Variants in CPNE8 observed in about 807,000 individuals in gnomAD.
CPNE8 encodes the protein copine-8.
Under a neutral mutation model 81.5 loss-of-function variants are expected in CPNE8, and 45 were observed. That is an observed-to-expected ratio of 0.55 (90% CI 0.44 to 0.71). CPNE8 has a LOEUF of 0.71. CPNE8 is among the 30% of genes least tolerant of loss of function. CPNE8 has a pLI of 0.00. For missense variants in CPNE8, 594 were observed against 672.1 expected (o/e 0.88, Z 1.28); for synonymous variants, 252 against 226.3 (o/e 1.11, Z -1.02).
intron 8 of CPNE8, among the ~76,000 whole-genome samples, chr12:38,763,475 A>T (rs952819284): frequency 6.6e-6 from 1 of 152,232 alleles, no homozygotes; most frequent in Non-Finnish European, 1.5e-5. Context: ...ACATCACGTC[A>T]TGAATCTATA....
chr12:38,711,883 C>T (rs1029235982), intron 13 of CPNE8, among the ~76,000 whole-genome samples: 9 of 152,010 alleles, frequency 5.9e-5, no homozygotes, highest in Admixed American at 6.5e-5. Flanking sequence ...TTTTCAGTTT[C>T]GATATGATAA....
intron 3 of CPNE8, among the ~76,000 whole-genome samples, chr12:38,852,055 T>G (rs1032631124): frequency 6.6e-6 from 1 of 152,178 alleles, no homozygotes; most frequent in Non-Finnish European, 1.5e-5. Context: ...CAATCTGAAA[T>G]AGGTGCTCCA....
intron 6 of CPNE8, among the ~76,000 whole-genome samples, chr12:38,781,544 G>GT (rs1447586727): frequency 5.3e-5 from 8 of 152,090 alleles, no homozygotes; most frequent in Admixed American, 3.9e-4. Context: ...GCAAGAAATA[G>GT]TTATTGTGTA....
At chr12:38,816,132 G>A (rs1331454255) in intron 6 of CPNE8, among the ~76,000 whole-genome samples, 1 of 152,064 alleles carries the variant, frequency 6.6e-6, no homozygotes, top group East Asian at 1.9e-4. Context: ...TTAAAATTCT[G>A]TATTTTTAAA....
chr12:38,809,886 A>T (rs1056979154), intron 6 of CPNE8, among the ~76,000 whole-genome samples: 8 of 152,220 alleles, frequency 5.3e-5, no homozygotes, highest in African/African-American at 1.9e-4. Flanking sequence ...GGTCAAGCAT[A>T]GGATAACAGT....
intron 1 of CPNE8, among the ~76,000 whole-genome samples, chr12:38,890,383 AG>A (rs150555144): frequency 0.021 from 3,226 of 152,312 alleles, 110 homozygotes; most frequent in African/African-American, 0.072. Context: ...ATTTATGGAT[AG>A]TGACTTGACT....
intron 6 of CPNE8, among the ~76,000 whole-genome samples, chr12:38,786,040 C>G (rs1942178142): frequency 6.6e-6 from 1 of 151,850 alleles, no homozygotes; most frequent in South Asian, 2.1e-4. Context: ...AAGAAAATGA[C>G]AGGTGAAAGT....
intron 1 of CPNE8, among the ~76,000 whole-genome samples, chr12:38,885,678 G>A (rs2388060): frequency 0.22 from 33,811 of 151,554 alleles, 4,794 homozygotes; most frequent in Non-Finnish European, 0.31. Flanking sequence ...AAACTACATG[G>A]TGGGAAACAT....
chr12:38,713,139 C>T (rs1030314977), intron 13 of CPNE8, among the ~76,000 whole-genome samples: 1 of 152,130 alleles, frequency 6.6e-6, no homozygotes, highest in African/African-American at 2.4e-5. Flanking sequence ...AATGCCAGAA[C>T]CCAAATTCTT....
At chr12:38,876,141 T>C (rs191429971) in intron 1 of CPNE8, among the ~76,000 whole-genome samples, 1,657 of 152,210 alleles carry the variant, frequency 0.011, 22 homozygotes, top group South Asian at 0.039. Flanking sequence ...GCCTTACTTA[T>C]GTAAAAAAAA....
At chr12:38,834,446 A>G (rs1424928561) in intron 5 of CPNE8, among the ~76,000 whole-genome samples, 1 of 152,126 alleles carries the variant, frequency 6.6e-6, no homozygotes, top group Non-Finnish European at 1.5e-5. Context: ...TCTCATCAGG[A>G]ACCTAGTAGC....
At chr12:38,843,542 G>A (rs1346882672) in intron 4 of CPNE8, among the ~76,000 whole-genome samples, 1 of 152,066 alleles carries the variant, frequency 6.6e-6, no homozygotes, top group East Asian at 1.9e-4. Flanking sequence ...CTGCAAGAAG[G>A]GGAGTGCAGC....
chr12:38,724,793 T>C, intron 12 of CPNE8, 53 bp downstream of exon 12: 1 of 1,203,170 alleles, frequency 8.3e-7, no homozygotes, highest in South Asian at 1.3e-5. Context: ...CATCTACATA[T>C]ATGCTTATTC....
chr12:38,856,920 G>T (rs1050019910), intron 3 of CPNE8, among the ~76,000 whole-genome samples: 9 of 150,960 alleles, frequency 6.0e-5, no homozygotes, highest in African/African-American at 2.2e-4. Flanking sequence ...GGAAAATTGT[G>T]ACTGCATGAG....
rs1565607411 is a variant in CPNE8, at chr12:38,772,928, T to TACTCACAC, written c.471+3309_471+3310insGTGTGAGT. On this transcript the variant is annotated intron_variant, in intron 7 of 19. Coordinates refer to ENST00000331366, the MANE Select transcript of CPNE8 (RefSeq NM_153634.3). ...ATGTTTTATATATATATAAAATTTA[T>TACTCACAC]ACACACACACACACACATATATATG... 1.3e-4 allele frequency among the ~76,000 whole-genome samples: 20 copies of TACTCACAC among 151,000 alleles called. No homozygotes were observed. In the South Asian group the frequency reaches 3.8e-3, roughly 29 times the overall value.
intron 10 of CPNE8, among the ~76,000 whole-genome samples, chr12:38,736,512 A>G (rs1218712226): frequency 7.0e-5 from 1 of 14,270 alleles, no homozygotes; most frequent in East Asian, 3.0e-3. Flanking sequence ...TAGTTACGCC[A>G]AATTATTTTT....
chr12:38,841,276 G>T (rs555190842), intron 4 of CPNE8, among the ~76,000 whole-genome samples: 6 of 152,108 alleles, frequency 3.9e-5, no homozygotes, highest in African/African-American at 1.4e-4. Context: ...CAAGTGATGG[G>T]ATGTGAGAGA....
intron 7 of CPNE8, among the ~76,000 whole-genome samples, chr12:38,770,745 C>A (rs1462734622): frequency 2.6e-5 from 4 of 152,106 alleles, no homozygotes; most frequent in Non-Finnish European, 2.9e-5. Flanking sequence ...CACCTCAGGA[C>A]CTTATACAGC....
At chr12:38,794,395 T>A (rs891308188) in intron 6 of CPNE8, among the ~76,000 whole-genome samples, 2 of 152,144 alleles carry the variant, frequency 1.3e-5, no homozygotes, top group Admixed American at 6.6e-5. Context: ...CCAAAGATTA[T>A]ATACAAATTG....
Sources: allele counts gnomAD v4.1 joint callset (sites outside exome capture counted in the v4.1 genomes callset), GRCh38; gene constraint gnomAD v4.1.1; transcripts MANE v1.5; gene names NCBI Gene and HGNC (gene_info 2026-07-23, HGNC 2026-07-21).